SNTG1: variants seen among roughly 807,000 people sequenced by gnomAD.
SNTG1 encodes gamma-1-syntrophin.
A neutral mutation model predicts 74.7 loss-of-function variants in SNTG1; 39 were observed. The ratio of observed to expected loss-of-function variants is 0.52; its 90% CI spans 0.40 to 0.68. The LOEUF (loss-of-function observed/expected upper bound fraction) is 0.68. Among genes scored for constraint, SNTG1 ranks in the 30% least tolerant of loss-of-function variants. The pLI is 0.00. For missense variants in SNTG1, 685 were observed against 609.5 expected (o/e 1.12, Z -1.30); for synonymous variants, 254 against 217.1 (o/e 1.17, Z -1.49).
At chr8:50,499,029 C>T (rs2093928323) in intron 8 of SNTG1, among the ~76,000 whole-genome samples, 1 of 151,478 alleles carries the variant, frequency 6.6e-6, no homozygotes, top group Admixed American at 6.6e-5. Flanking sequence ...TTCTTTATAT[C>T]TCTTAAAATC....
At chr8:50,543,850 A>G (rs1355453666) in intron 11 of SNTG1, among the ~76,000 whole-genome samples, 1 of 152,076 alleles carries the variant, frequency 6.6e-6, no homozygotes, top group Non-Finnish European at 1.5e-5. Flanking sequence ...GCCAGCATTT[A>G]GTTTTGTTGC....
At chr8:50,692,526 G>C (rs182375251) in intron 15 of SNTG1, among the ~76,000 whole-genome samples, 53 of 152,292 alleles carry the variant, frequency 3.5e-4, no homozygotes, top group African/African-American at 1.2e-3. Context: ...TCCAGACCCT[G>C]TTTGCCTGGG....
At chr8:50,627,586 C>CT (rs112186169) in intron 13 of SNTG1, among the ~76,000 whole-genome samples, 6,553 of 152,246 alleles carry the variant, frequency 0.043, 245 homozygotes, top group African/African-American at 0.095. Flanking sequence ...ACAAAACAGA[C>CT]ACAACATCAA....
At chr8:50,316,013 G>A (rs2090305425) in intron 2 of SNTG1, among the ~76,000 whole-genome samples, 1 of 152,098 alleles carries the variant, frequency 6.6e-6, no homozygotes, top group African/African-American at 2.4e-5. Context: ...CATTTCAGTT[G>A]CTTTTCAAGA....
intron 15 of SNTG1, among the ~76,000 whole-genome samples, chr8:50,686,201 T>A (rs1345850388): frequency 1.3e-5 from 2 of 152,212 alleles, no homozygotes; most frequent in African/African-American, 4.8e-5. Flanking sequence ...TCAGGCAGTA[T>A]CATCTCCTGT....
chr8:50,631,766 A>T (rs996669218), intron 13 of SNTG1, among the ~76,000 whole-genome samples: 1 of 152,190 alleles, frequency 6.6e-6, no homozygotes, highest in Admixed American at 6.5e-5. Flanking sequence ...TTCTACAGAA[A>T]AGCACAGTGT....
intron 13 of SNTG1, among the ~76,000 whole-genome samples, chr8:50,633,987 T>A (rs897157588): frequency 1.3e-5 from 2 of 152,176 alleles, no homozygotes; most frequent in African/African-American, 4.8e-5. Flanking sequence ...TAATTGAGAA[T>A]AGCTGCATAT....
chr8:50,031,142 A>C (rs1817709441), intron 1 of SNTG1, among the ~76,000 whole-genome samples: 1 of 152,000 alleles, frequency 6.6e-6, no homozygotes, highest in Non-Finnish European at 1.5e-5. Flanking sequence ...ATACATATAA[A>C]TACAATTGAG....
intron 4 of SNTG1, among the ~76,000 whole-genome samples, chr8:50,418,168 C>T (rs1327942491): frequency 6.6e-6 from 1 of 152,130 alleles, no homozygotes; most frequent in Non-Finnish European, 1.5e-5. Context: ...TGTTTCTTTG[C>T]CATCATCCCC....
chr8:50,382,729 C>G (rs1468690970), intron 2 of SNTG1, among the ~76,000 whole-genome samples: 3 of 152,102 alleles, frequency 2.0e-5, no homozygotes, highest in African/African-American at 7.2e-5. Context: ...CAGTGGCATA[C>G]ACAACTGTAT....
At chr8:50,666,377 T>C (rs1456882093) in intron 15 of SNTG1, among the ~76,000 whole-genome samples, 1 of 152,140 alleles carries the variant, frequency 6.6e-6, no homozygotes, top group East Asian at 1.9e-4. Flanking sequence ...GCCCAAGGAC[T>C]AGACCACATC....
chr8:49,948,622 G>A (rs1311322521), intron 1 of SNTG1, among the ~76,000 whole-genome samples: 3 of 152,026 alleles, frequency 2.0e-5, no homozygotes, highest in Non-Finnish European at 4.4e-5. Flanking sequence ...TGTTGTACTC[G>A]AATCTTCTTA....
chr8:50,243,238 C>T (rs2086244587), intron 2 of SNTG1, among the ~76,000 whole-genome samples: 2 of 152,052 alleles, frequency 1.3e-5, no homozygotes, highest in Admixed American at 6.6e-5. Flanking sequence ...AACAGTCTGA[C>T]CCAAAACTAT....
chr8:50,224,286 C>T (rs539142993), intron 2 of SNTG1, among the ~76,000 whole-genome samples: 4 of 152,226 alleles, frequency 2.6e-5, no homozygotes, highest in African/African-American at 9.6e-5. Flanking sequence ...ACATAGATTA[C>T]ACACACAGAT....
At chr8:50,287,707 G>A (rs1452297084) in intron 2 of SNTG1, among the ~76,000 whole-genome samples, 1 of 152,088 alleles carries the variant, frequency 6.6e-6, no homozygotes, top group African/African-American at 2.4e-5. Context: ...CATTGTCTGA[G>A]CAATGATTTT....
intron 13 of SNTG1, among the ~76,000 whole-genome samples, chr8:50,636,336 A>G (rs1338568669): frequency 6.6e-6 from 1 of 151,956 alleles, no homozygotes; most frequent in East Asian, 2.0e-4. Context: ...CTTTGAGCCC[A>G]GCAGAGCACC....
At chr8:50,246,783 C>A (rs151128325) in intron 2 of SNTG1, among the ~76,000 whole-genome samples, 2 of 152,138 alleles carry the variant, frequency 1.3e-5, no homozygotes, top group Non-Finnish European at 2.9e-5. Context: ...AAATAAAATG[C>A]CTTGAGCACC....
chr8:50,011,217 GCTCTGA>G (rs1190311119), intron 1 of SNTG1, among the ~76,000 whole-genome samples: 5 of 152,040 alleles, frequency 3.3e-5, no homozygotes, highest in African/African-American at 1.2e-4. Flanking sequence ...CTGAATTTCA[GCTCTGA>G]CTCTTACTAG....
At chr8:50,032,098 T>G (rs955216972) in intron 1 of SNTG1, among the ~76,000 whole-genome samples, 5 of 152,134 alleles carry the variant, frequency 3.3e-5, no homozygotes, top group Admixed American at 1.3e-4. Flanking sequence ...GTAATTCTTT[T>G]TATCCTTTTG....
Sources: gnomAD v4.1 joint callset for allele counts (sites outside exome capture counted in the v4.1 genomes callset) on GRCh38, gnomAD v4.1.1 for gene constraint, MANE v1.5 for transcripts, NCBI Gene and HGNC (gene_info 2026-07-23, HGNC 2026-07-21) for gene names.